The following SLC6A14 variants were observed in gnomAD, a reference collection of about 807,000 sequenced individuals.
The protein encoded by SLC6A14 is sodium- and chloride-dependent neutral and basic amino acid transporter B(0+).
A neutral mutation model predicts 51.4 loss-of-function variants in SLC6A14; 21 were observed. The ratio of observed to expected loss-of-function variants is 0.41; its 90% CI spans 0.29 to 0.59. The LOEUF is 0.59. SLC6A14 is among the 20% of genes least tolerant of loss of function. The pLI is 0.31. For synonymous variants in SLC6A14, 177 were observed against 160.7 expected, an observed-to-expected ratio of 1.10 and a Z score of -0.77; for missense variants, 371 against 472.8, an observed-to-expected ratio of 0.78 and a Z score of 2.00.
At position 116,443,796 on chromosome X, in the gene SLC6A14, T is replaced by C; in HGVS notation, c.656+6T>C. On this transcript the variant is annotated splice_donor_region_variant and intron_variant, in intron 5 of 13. Coordinates refer to ENST00000598581, the MANE Select transcript of SLC6A14 (RefSeq NM_007231.5). ...CCCAGTGAACAATATTGGAAGTAAG[T>C]ATACTAGATGATTTACTTTTAAGTA... The C allele has an allele frequency of 4.3e-6, 5 of 1,165,874 alleles. No homozygotes were observed. Among genetic ancestry groups the C allele is most frequent in the South Asian group, 2.0e-5 (1 of 50,084 alleles).
intron 7 of SLC6A14, among the ~76,000 whole-genome samples, chrX:116,450,547 A>G (rs1368044522): frequency 8.9e-6 from 1 of 111,854 alleles, no homozygotes; most frequent in Non-Finnish European, 1.9e-5. Context: ...AATGTACAAG[A>G]ATGTTCACAG....
intron 12 of SLC6A14, 49 bp from the exon 13 acceptor site, chrX:116,457,560 C>T: frequency 9.5e-7 from 1 of 1,055,701 alleles, no homozygotes; most frequent in South Asian, 2.0e-5. Flanking sequence ...ATCATCAGTG[C>T]AATAAAGTCT....
chrX:116,441,516 G>A (rs782438880), intron 3 of SLC6A14, among the ~76,000 whole-genome samples: 1 of 112,113 alleles, frequency 8.9e-6, no homozygotes, highest in Non-Finnish European at 1.9e-5. Context: ...AAAGCTGAAG[G>A]GTAGGCCACC....
chrX:116,442,639 A>C (rs782022318), intron 3 of SLC6A14, 48 bp from the exon 4 acceptor site: 4 of 1,012,475 alleles, frequency 4.0e-6, no homozygotes, highest in Non-Finnish European at 5.2e-6. Flanking sequence ...TAGCAAAGTA[A>C]ATTTTACTTG....
chrX:116,449,815 A>ATAAAAAC (rs782332879), intron 7 of SLC6A14, among the ~76,000 whole-genome samples: 1 of 112,048 alleles, frequency 8.9e-6, no homozygotes, highest in Admixed American at 9.5e-5. Context: ...GGCAATGCAG[A>ATAAAAAC]TCAATAAGGG....
chrX:116,437,825 T>A lies in SLC6A14; in HGVS notation c.84T>A (p.Gly28=), dbSNP rs12720074. Residue 28 remains glycine, a synonymous_variant, in exon 2 of 14, where the codon GGT becomes GGA. Transcript: ENST00000598581. ...VSASSENFHV[G]ENDENQDRGN... The stretch of plus-strand genomic sequence containing the variant: ...CTTCATCAGAGAATTTCCATGTTGG[T>A]GAAAATGATGAGAATCAGGACCGTG... 99,837 of 1,204,234 alleles carry A rather than the reference T, an allele frequency of 0.083. 3,028 individuals are homozygous for A. Among genetic ancestry groups the A allele is most frequent in the South Asian group, 0.11 (5,979 of 55,535 alleles).
rs181970187 is a variant in SLC6A14, at chrX:116,443,754, A to T, written c.620A>T (p.Tyr207Phe). The change falls in exon 5 of 14, where the codon TAT becomes TTT. Residue 207 changes from tyrosine to phenylalanine, a missense_variant. By Grantham distance (22) the Tyr-to-Phe change is conservative. Around this residue, in one of 2 missense-constraint regions of SLC6A14, gnomAD observed 277 missense variants for 391.8 expected, o/e 0.71. Transcript: ENST00000598581. ...ACCTGCATCAACGGCAGTGAAATTTATCAGCCAGGGCAGCTTCCCAGTGAA... is the reference window on the plus strand; with the variant it reads ...ACCTGCATCAACGGCAGTGAAATTTTTCAGCCAGGGCAGCTTCCCAGTGAA... Reference protein sequence around the residue: ...NFTCINGSEIYQPGQLPSEQY... With the variant: ...NFTCINGSEIFQPGQLPSEQY... 8 of 1,205,815 alleles carry T rather than the reference A, an allele frequency of 6.6e-6. No individual in the cohort carries two copies. The African/African-American group carries it at 1.4e-4, about 21-fold the overall frequency.
intron 2 of SLC6A14, 53 bp downstream of exon 2, chrX:116,438,008 G>A: frequency 1.1e-6 from 1 of 935,966 alleles, no homozygotes; most frequent in Admixed American, 3.3e-5. Context: ...CCAGTTTTAA[G>A]TGTGGTTCTG....
Position 116,437,642 on chromosome X carries a change from C to T in SLC6A14, c.49-148C>T, listed in dbSNP as rs782123436. ...AGTAAAAGCAGCTATCAGCAGAAAT[C>T]TCCCCAACTTTCTAAAGCATTCCCC... is the stretch of plus-strand genomic sequence containing the variant. On this transcript the variant is annotated intron_variant, in intron 1 of 13. Transcript: ENST00000598581. 5.5e-6 allele frequency: 3 copies of T among 549,974 alleles called. No homozygotes were observed. The East Asian group carries it at 1.0e-4, about 19-fold the overall frequency. 45.3% of individuals were successfully genotyped at this position (549,974 alleles called of 1,213,427 possible). A position where few individuals can be genotyped will look rare whatever the true frequency, so the allele number is the denominator to read the frequency against.
chrX:116,441,308 C>T (rs1927593508), intron 3 of SLC6A14, among the ~76,000 whole-genome samples: 2 of 112,255 alleles, frequency 1.8e-5, no homozygotes, highest in South Asian at 7.4e-4. Flanking sequence ...TTCTGTTTAT[C>T]ATGGGCTGCA....
At position 116,457,580 on chromosome X, in the gene SLC6A14, C is replaced by T. The variant is rs181951985; in HGVS notation, c.1615-29C>T. ...CAGTGCAATAAAGTCTAATCTTTAG[C>T]TTTGTCTTTGCATATTTAACTTTGA... is the stretch of plus-strand genomic sequence containing the variant. On this transcript the variant is annotated intron_variant, in intron 12 of 13. Transcript: ENST00000598581. 2.0e-5 allele frequency: 24 copies of T among 1,170,844 alleles called. No homozygotes were observed. In the African/African-American group the frequency reaches 3.9e-4, roughly 19 times the overall value.
chrX:116,447,176 A>G (rs1556694089), intron 7 of SLC6A14, among the ~76,000 whole-genome samples: 1 of 111,690 alleles, frequency 9.0e-6, no homozygotes, highest in African/African-American at 3.3e-5. Context: ...AATCTGAAAA[A>G]CAATATTTCA....
At chrX:116,456,713 T>C (rs1390790368) in intron 12 of SLC6A14, among the ~76,000 whole-genome samples, 1 of 111,640 alleles carries the variant, frequency 9.0e-6, no homozygotes, top group Non-Finnish European at 1.9e-5. Context: ...GTAAAGTATA[T>C]TTAAATTACT....
intron 6 of SLC6A14, among the ~76,000 whole-genome samples, chrX:116,446,520 G>C (rs1325830815): frequency 9.0e-5 from 10 of 110,683 alleles, no homozygotes; most frequent in African/African-American, 3.3e-4. Context: ...ATAAACCTGG[G>C]AAATGTGGAT....
intron 13 of SLC6A14, among the ~76,000 whole-genome samples, 170 bp downstream of exon 13, chrX:116,457,946 G>T (rs2032525): frequency 6.3e-5 from 7 of 110,475 alleles, no homozygotes; most frequent in Admixed American, 2.9e-4. Flanking sequence ...GCACAACATG[G>T]TATTTTATTA....
chrX:116,440,056 A>G (rs1023647930), intron 2 of SLC6A14, among the ~76,000 whole-genome samples: 80 of 111,784 alleles, frequency 7.2e-4, no homozygotes, highest in Non-Finnish European at 1.3e-3. Flanking sequence ...TTATCCACTG[A>G]TCCCCACATT....
chrX:116,455,104 C>A lies in SLC6A14; in HGVS notation c.1504+28C>A, dbSNP rs142612199. 749 of 1,028,101 alleles carry A rather than the reference C, an allele frequency of 7.3e-4. 3 individuals are homozygous for A. In the African/African-American group the frequency reaches 0.012, roughly 16 times the overall value. 84.7% of individuals were successfully genotyped at this position (1,028,101 alleles called of 1,213,427 possible). On this transcript the variant is annotated intron_variant, in intron 11 of 13. Coordinates refer to ENST00000598581, the MANE Select transcript of SLC6A14 (RefSeq NM_007231.5). ...AAATAGTAACTATAAAATTATTTTC[C>A]AGTTTTATTAAAATAGTTTAGTTTG...
In SLC6A14 at chrX:116,457,727, C is replaced by T; in HGVS notation, c.1733C>T (p.Pro578Leu). 2 of 1,200,382 alleles carry T rather than the reference C, an allele frequency of 1.7e-6. No homozygotes were observed. The highest frequency in any genetic ancestry group is 1.1e-6 in the Non-Finnish European group (1 of 886,132). The change falls in exon 13 of 14, where the codon CCA becomes CTA. Residue 578 changes from proline to leucine, a missense_variant. By Grantham distance (98) the Pro-to-Leu change is moderately conservative (BLOSUM62 -3). This residue lies in a region of SLC6A14 where 94 missense variants were observed against 81.0 expected (regional missense o/e 1.16). Transcript: ENST00000598581. ...ATTGTTTTCTGCATTATTTGGATTCCAATTATGGCTATCATAAAAATAATT... is the reference window on the plus strand; with the variant it reads ...ATTGTTTTCTGCATTATTTGGATTCTAATTATGGCTATCATAAAAATAATT... ...CMIVFCIIWIPIMAIIKIIQA... is the reference protein window; with the variant it reads ...CMIVFCIIWILIMAIIKIIQA...
At position 116,440,210 on chromosome X, in the gene SLC6A14, A is replaced by C. The variant is rs1313801291; in HGVS notation, c.215-756A>C. ...GAAAGAAAAAAAAAGGAAAATGATA[A>C]AAGGTTAAAAGGATGGGGGAGGTGA... On this transcript the variant is annotated intron_variant, in intron 2 of 13. Coordinates refer to ENST00000598581, the MANE Select transcript of SLC6A14 (RefSeq NM_007231.5). Among the ~76,000 whole-genome samples, 3 of 112,126 alleles carry C rather than the reference A, an allele frequency of 2.7e-5. No individual in the cohort carries two copies. In the East Asian group the frequency reaches 8.4e-4, roughly 31 times the overall value.
Sources: allele counts gnomAD v4.1 joint callset (sites outside exome capture counted in the v4.1 genomes callset), GRCh38; gene constraint gnomAD v4.1.1; regional missense constraint gnomAD v4.1.1; transcripts MANE v1.5; gene names NCBI Gene and HGNC (gene_info 2026-07-23, HGNC 2026-07-21).